Variants in CNOT6 observed in about 807,000 individuals in gnomAD.
CNOT6 encodes carbon catabolite repression 4 protein.
In CNOT6, 12 loss-of-function variants were observed where a neutral mutation model predicts 61.2. That is an observed-to-expected ratio of 0.20 (90% confidence interval 0.13 to 0.32). The LOEUF is 0.32. Ranked by LOEUF, CNOT6 falls within the 10% of genes least tolerant of loss-of-function variation. The probability of loss-of-function intolerance (pLI) is 1.00; values close to 1 mark genes in which losing one functional copy is unlikely to be tolerated. For synonymous variants in CNOT6, 225 were observed against 240.6 expected (o/e 0.94, Z 0.60); for missense variants, 405 against 663.9 (o/e 0.61, Z 4.28).
chr5:180,519,449 G>A (rs979596461), intron 1 of CNOT6, among the ~76,000 whole-genome samples: 2 of 152,188 alleles, frequency 1.3e-5, no homozygotes, highest in Admixed American at 6.5e-5. Context: ...TTCGTGGGCT[G>A]TATGTTTCCT....
chr5:180,540,202 C>G (rs1758963000), intron 2 of CNOT6, among the ~76,000 whole-genome samples: 1 of 152,166 alleles, frequency 6.6e-6, no homozygotes, highest in Non-Finnish European at 1.5e-5. Flanking sequence ...TGTGGACACC[C>G]TGTACTCACT....
chr5:180,526,715 T>C (rs549618028), intron 1 of CNOT6, among the ~76,000 whole-genome samples: 1 of 152,220 alleles, frequency 6.6e-6, no homozygotes, highest in African/African-American at 2.4e-5. Context: ...ACAGAGTAGG[T>C]AGACAATTGG....
At chr5:180,573,153 C>G (rs1180254871) in intron 11 of CNOT6, among the ~76,000 whole-genome samples, 2 of 152,146 alleles carry the variant, frequency 1.3e-5, no homozygotes, top group African/African-American at 4.8e-5. Context: ...GTTGCTGATG[C>G]AGTGGCAGGA....
chr5:180,529,182 A>G, intron 1 of CNOT6, 93 bp from the exon 2 acceptor site: 1 of 721,908 alleles, frequency 1.4e-6, no homozygotes, highest in Non-Finnish European at 2.4e-6. Flanking sequence ...TGGGTGACAG[A>G]GTCAGACTTC....
intron 1 of CNOT6, among the ~76,000 whole-genome samples, chr5:180,525,538 C>CAAA (rs56234526): frequency 1.2e-5 from 1 of 83,522 alleles, no homozygotes; most frequent in East Asian, 3.4e-4. Flanking sequence ...GACCCTGTCT[C>CAAA]AAAAAAAAAA....
intron 1 of CNOT6, among the ~76,000 whole-genome samples, chr5:180,517,876 T>G (rs958170891): frequency 2.0e-5 from 3 of 152,220 alleles, no homozygotes; most frequent in African/African-American, 7.2e-5. Flanking sequence ...GCTGTTTGAT[T>G]ACACTGAATC....
chr5:180,568,263 A>C (rs949103617), intron 9 of CNOT6, among the ~76,000 whole-genome samples: 1 of 149,916 alleles, frequency 6.7e-6, no homozygotes, highest in African/African-American at 2.5e-5. Flanking sequence ...AGAATTTTTC[A>C]TATAAAATAA....
chr5:180,564,630 G>C, intron 5 of CNOT6, 37 bp downstream of exon 5: 1 of 1,607,228 alleles, frequency 6.2e-7, no homozygotes, highest in South Asian at 1.1e-5. Flanking sequence ...TTATTAGGAA[G>C]ACGTGTAAGA....
At position 180,543,141 on chromosome 5, in the gene CNOT6, C is replaced by T. The variant is rs531580147; in HGVS notation, c.113-6790C>T. Among the ~76,000 whole-genome samples the T allele has an allele frequency of 1.1e-3, 175 of 152,314 alleles. 1 individual carries two copies. The highest frequency in any genetic ancestry group is 0.01 in the Admixed American group (155 of 15,304). On this transcript the variant is annotated intron_variant, in intron 2 of 11. Transcript: ENST00000261951. Reference sequence around the variant, plus strand: ...TGGCACGGTCTCTGGTCACTGCAAGCTCTGCCTCCTGGGTTCACACCATTC... The same window carrying T: ...TGGCACGGTCTCTGGTCACTGCAAGTTCTGCCTCCTGGGTTCACACCATTC...
At chr5:180,562,199 C>G (rs1760221318) in intron 4 of CNOT6, among the ~76,000 whole-genome samples, 1 of 152,138 alleles carries the variant, frequency 6.6e-6, no homozygotes, top group African/African-American at 2.4e-5. Flanking sequence ...GCTATTCTGC[C>G]TTCTCTCCTT....
intron 1 of CNOT6, among the ~76,000 whole-genome samples, chr5:180,524,043 C>T (rs1757981828): frequency 6.6e-6 from 1 of 151,998 alleles, no homozygotes; most frequent in South Asian, 2.1e-4. Context: ...CTCTGAGAAC[C>T]GAAACAGGTA....
chr5:180,529,417 A>G (rs1344247603), intron 2 of CNOT6, 29 bp downstream of exon 2: 1 of 1,361,348 alleles, frequency 7.3e-7, no homozygotes, highest in Non-Finnish European at 1.0e-6. Context: ...AATTTATGGT[A>G]TGGAAATTAA....
chr5:180,569,231 G>T lies in CNOT6; in HGVS notation c.1149G>T (p.Val383=). 6.2e-7 allele frequency: 1 copy of T among 1,614,166 alleles called. No homozygotes were observed. Among genetic ancestry groups the T allele is most frequent in the South Asian group, 1.1e-5 (1 of 91,084 alleles). ...LVQTMMFLSE[V]KNIIDKASRN... Reference sequence around the variant, plus strand: ...AAACTATGATGTTCCTCTCAGAAGTGAAGAACATTATTGATAAAGCCTCTC... The same window carrying T: ...AAACTATGATGTTCCTCTCAGAAGTTAAGAACATTATTGATAAAGCCTCTC... Residue 383 remains valine (V), a synonymous_variant, in exon 10 of 12, where the codon GTG becomes GTT. Transcript: ENST00000261951.
chr5:180,494,976 A>AG (rs1756532593), intron 1 of CNOT6, among the ~76,000 whole-genome samples: 1 of 149,414 alleles, frequency 6.7e-6, no homozygotes, highest in Admixed American at 6.6e-5. Flanking sequence ...AGTCCCTGGG[A>AG]GGGGGGCGTT....
At chr5:180,500,166 C>G (rs565855982) in intron 1 of CNOT6, among the ~76,000 whole-genome samples, 2 of 151,746 alleles carry the variant, frequency 1.3e-5, no homozygotes, top group African/African-American at 4.8e-5. Context: ...GGGTCTCACT[C>G]TGTGTCACCC....
intron 1 of CNOT6, among the ~76,000 whole-genome samples, chr5:180,517,318 T>G (rs973288390): frequency 2.0e-4 from 30 of 152,196 alleles, no homozygotes; most frequent in African/African-American, 7.2e-4. Context: ...TAGTACAGAC[T>G]GGGTTTTGCC....
chr5:180,542,356 C>G (rs1759092583), intron 2 of CNOT6, among the ~76,000 whole-genome samples: 1 of 152,046 alleles, frequency 6.6e-6, no homozygotes, highest in Non-Finnish European at 1.5e-5. Context: ...GCTCTGCCTC[C>G]TGGGTTCACA....
In CNOT6 at chr5:180,558,621, CT is replaced by C. The variant is rs376607042; in HGVS notation, c.385+5161del. Among the ~76,000 whole-genome samples the C allele has an allele frequency of 4.6e-3, 390 of 85,568 alleles. 3 individuals are homozygous for C. Among genetic ancestry groups the C allele is most frequent in the African/African-American group, 0.012 (337 of 28,034 alleles). 56.1% of individuals were successfully genotyped at this position (85,568 alleles called of 152,430 possible). On this transcript the variant is annotated intron_variant, in intron 4 of 11. Transcript: ENST00000261951. ...TTTCCTTCCTTCCTTCTTGTGTTTG[CT>C]TTTTTTTTTTCCTAGCTTCTTGAGG...
intron 1 of CNOT6, among the ~76,000 whole-genome samples, chr5:180,515,655 A>G (rs1581484307): frequency 6.6e-6 from 1 of 152,268 alleles, no homozygotes; most frequent in South Asian, 2.1e-4. Context: ...GTAGATTGGC[A>G]TGAAAGTTAG....
Sources: allele counts gnomAD v4.1 joint callset (sites outside exome capture counted in the v4.1 genomes callset), GRCh38; gene constraint gnomAD v4.1.1; transcripts MANE v1.5; gene names NCBI Gene and HGNC (gene_info 2026-07-23, HGNC 2026-07-21).